The following TMEM232 variants were observed in gnomAD, a reference collection of about 807,000 sequenced individuals.
TMEM232 encodes transmembrane protein 232.
TMEM232 carries 80 observed loss-of-function variants against 78.8 expected under a neutral mutation model. The observed-to-expected ratio is 1.01, with a 90% CI of 0.85 to 1.22. TMEM232 has a LOEUF of 1.22. Among genes scored for constraint, TMEM232 ranks in the 50% most tolerant of loss-of-function variants. The pLI is 0.00. For synonymous variants in TMEM232, 297 were observed against 254.3 expected (o/e 1.17, Z -1.60); for missense variants, 881 against 742.2 (o/e 1.19, Z -2.17).
intron 10 of TMEM232, among the ~76,000 whole-genome samples, chr5:110,577,838 C>G (rs1777739678): frequency 6.6e-6 from 1 of 151,742 alleles, no homozygotes; most frequent in Non-Finnish European, 1.5e-5. Flanking sequence ...CATGGAGACA[C>G]AGAGAGGAAC....
At chr5:110,666,005 A>T (rs934332392) in intron 2 of TMEM232, among the ~76,000 whole-genome samples, 2 of 152,042 alleles carry the variant, frequency 1.3e-5, no homozygotes, top group African/African-American at 4.8e-5. Flanking sequence ...GGATTATAGT[A>T]AGCTATAGGT....
At chr5:110,433,050 C>T (rs1237640664) in intron 12 of TMEM232, among the ~76,000 whole-genome samples, 1 of 151,684 alleles carries the variant, frequency 6.6e-6, no homozygotes, top group Non-Finnish European at 1.5e-5. Context: ...TACTTAAACA[C>T]CTCACTGATA....
intron 12 of TMEM232, among the ~76,000 whole-genome samples, chr5:110,522,190 T>C (rs1344828287): frequency 6.6e-6 from 1 of 152,194 alleles, no homozygotes; most frequent in Non-Finnish European, 1.5e-5. Context: ...CTATTGTAAA[T>C]GTAACTGTTT....
chr5:110,395,398 G>T (rs1042287138), intron 3 of TMEM232, among the ~76,000 whole-genome samples: 2 of 152,024 alleles, frequency 1.3e-5, no homozygotes, highest in African/African-American at 4.8e-5. Context: ...TCTCCTTTCA[G>T]CCCACAGTTG....
intron 1 of TMEM232, among the ~76,000 whole-genome samples, chr5:110,705,542 T>A (rs1394463620): frequency 6.6e-6 from 1 of 151,976 alleles, no homozygotes; most frequent in East Asian, 1.9e-4. Context: ...TCAACAAGGT[T>A]TGCTGACCAT....
intron 12 of TMEM232, among the ~76,000 whole-genome samples, chr5:110,471,892 G>C (rs1313741069): frequency 6.6e-6 from 1 of 151,888 alleles, no homozygotes; most frequent in Admixed American, 6.6e-5. Context: ...CAAATCAAAG[G>C]TGAAAAAGAA....
intron 10 of TMEM232, among the ~76,000 whole-genome samples, chr5:110,598,817 C>T (rs1780516553): frequency 7.5e-6 from 1 of 132,606 alleles, no homozygotes; most frequent in Non-Finnish European, 1.5e-5. Flanking sequence ...ACAATAAGAA[C>T]ACATGGACAC....
At chr5:110,400,685 C>G (rs1465547752) in intron 2 of TMEM232, among the ~76,000 whole-genome samples, 1 of 151,880 alleles carries the variant, frequency 6.6e-6, no homozygotes, top group Non-Finnish European at 1.5e-5. Context: ...AGAAAGTGAT[C>G]ATGTAGAATT....
chr5:110,712,720 C>A (rs1175325100), intron 1 of TMEM232, among the ~76,000 whole-genome samples: 2 of 151,948 alleles, frequency 1.3e-5, no homozygotes, highest in African/African-American at 2.4e-5. Flanking sequence ...ACAATGTCAC[C>A]CATTTAAAAT....
At chr5:110,444,416 T>A (rs567031137) in intron 12 of TMEM232, among the ~76,000 whole-genome samples, 2 of 152,286 alleles carry the variant, frequency 1.3e-5, no homozygotes, top group South Asian at 4.1e-4. Flanking sequence ...GCACAGACTC[T>A]GTACCATGTA....
At chr5:110,535,873 TA>T (rs902031105) in intron 11 of TMEM232, among the ~76,000 whole-genome samples, 4 of 152,158 alleles carry the variant, frequency 2.6e-5, no homozygotes, top group African/African-American at 9.7e-5. Context: ...TTCCTAGAAC[TA>T]AATCAAAATC....
At chr5:110,434,944 G>C (rs1033921557) in intron 12 of TMEM232, among the ~76,000 whole-genome samples, 4 of 151,830 alleles carry the variant, frequency 2.6e-5, no homozygotes, top group African/African-American at 9.7e-5. Flanking sequence ...AGGCATCAAA[G>C]GAACATCCCT....
chr5:110,524,778 A>G (rs1417034223), intron 12 of TMEM232, among the ~76,000 whole-genome samples: 2 of 151,934 alleles, frequency 1.3e-5, no homozygotes, highest in Non-Finnish European at 2.9e-5. Context: ...ATTGCCGTCT[A>G]TTTCTCCAAT....
intron 11 of TMEM232, among the ~76,000 whole-genome samples, chr5:110,558,712 G>T (rs1275450887): frequency 6.6e-6 from 1 of 152,148 alleles, no homozygotes; most frequent in African/African-American, 2.4e-5. Context: ...GGGCATCCCT[G>T]GCCATTTTCC....
intron 10 of TMEM232, among the ~76,000 whole-genome samples, chr5:110,570,039 C>T (rs112075339): frequency 0.025 from 3,833 of 151,880 alleles, 160 homozygotes; most frequent in African/African-American, 0.088. Context: ...AGAGAAAGTA[C>T]GTACATGTTT....
chr5:110,708,576 G>A (rs979694469), intron 1 of TMEM232, among the ~76,000 whole-genome samples: 4 of 81,252 alleles, frequency 4.9e-5, no homozygotes, highest in Non-Finnish European at 9.8e-5. Flanking sequence ...TTAAAAAACA[G>A]GTGGATGAAG....
In TMEM232 at chr5:110,521,688, G is replaced by A. The variant is rs181106076; in HGVS notation, c.1703+6900C>T. On this transcript the variant is annotated intron_variant, in intron 12 of 13. Coordinates refer to ENST00000455884, the MANE Select transcript of TMEM232 (RefSeq NM_001039763.4). ...CACATGTGGATATCCAGCTTTCCTA[G>A]CACCATTTATTGAAGAGAATCTTCT... Among the ~76,000 whole-genome samples, 204 of 152,164 alleles carry A rather than the reference G, an allele frequency of 1.3e-3. 1 individual carries two copies. Among genetic ancestry groups the A allele is most frequent in the African/African-American group, 4.8e-3 (198 of 41,508 alleles).
rs552945680 is a variant in TMEM232, at chr5:110,411,705, T to C, written n.308+13118A>G. Among the ~76,000 whole-genome samples, 11 of 152,332 alleles carry C rather than the reference T, an allele frequency of 7.2e-5. No individual in the cohort carries two copies. The South Asian group carries it at 2.3e-3, about 32-fold the overall frequency. On this transcript the variant is annotated intron_variant and non_coding_transcript_variant, in intron 2 of 8. Transcript: ENST00000507188. Reference sequence around the variant, plus strand: ...TCATACAGTATTTGTCTTTTCATAATAGTCTTATTTCACTGAGAATGGTGC... The same window carrying C: ...TCATACAGTATTTGTCTTTTCATAACAGTCTTATTTCACTGAGAATGGTGC...
chr5:110,738,447 TG>T (rs935449365), upstream of TMEM232, among the ~76,000 whole-genome samples: 6 of 152,150 alleles, frequency 3.9e-5, no homozygotes, highest in African/African-American at 1.4e-4. Flanking sequence ...TTCGAGTACG[TG>T]GGTTTCTTTC....
Sources: allele counts gnomAD v4.1 joint callset (sites outside exome capture counted in the v4.1 genomes callset), GRCh38; gene constraint gnomAD v4.1.1; transcripts MANE v1.5; gene names NCBI Gene and HGNC (gene_info 2026-07-23, HGNC 2026-07-21).